The following BMP5 variants were observed in gnomAD, a reference collection of about 807,000 sequenced individuals.
BMP5 encodes bone morphogenetic protein 5.
In BMP5, 23 loss-of-function variants were observed where a neutral mutation model predicts 46.6. That is an observed-to-expected ratio of 0.49 (90% CI 0.35 to 0.70). The LOEUF is 0.70. Ranked by LOEUF, BMP5 falls within the 30% of genes least tolerant of loss-of-function variation. BMP5 has a pLI of 0.00. For missense variants in BMP5, 545 were observed against 565.6 expected, an observed-to-expected ratio of 0.96 and a Z score of 0.37; for synonymous variants, 204 against 191.9, an observed-to-expected ratio of 1.06 and a Z score of -0.52.
intron 1 of BMP5, among the ~76,000 whole-genome samples, chr6:55,841,999 A>C (rs1384195233): frequency 1.3e-5 from 2 of 152,102 alleles, no homozygotes; most frequent in Non-Finnish European, 2.9e-5. Flanking sequence ...GCTAATTCAA[A>C]TATCTGTATC....
rs62404981 is a variant in BMP5 at position 55,850,403 on chromosome 6, T to G, written c.490+23973A>C. Among the ~76,000 whole-genome samples the G allele has an allele frequency of 1.3e-4, 19 of 150,646 alleles. No homozygotes were observed. The South Asian group carries it at 1.3e-3, about 10-fold the overall frequency. On this transcript the variant is annotated intron_variant, in intron 1 of 6. Transcript: ENST00000370830. ...ATAGATAGATAGATAGATCGATAGATATAGATAGATAGATAGATTAGAGGT... is the reference window on the plus strand; with the variant it reads ...ATAGATAGATAGATAGATCGATAGAGATAGATAGATAGATAGATTAGAGGT...
chr6:55,867,668 C>A (rs1000500503), intron 1 of BMP5, among the ~76,000 whole-genome samples: 15 of 152,228 alleles, frequency 9.9e-5, no homozygotes, highest in African/African-American at 3.6e-4. Context: ...TAATACTCTG[C>A]TGCCACCATC....
rs188232227 is a variant in BMP5, at chr6:55,826,238, G to T, written c.491-6391C>A. 8.6e-5 allele frequency among the ~76,000 whole-genome samples: 13 copies of T among 151,692 alleles called. No homozygotes were observed. In the East Asian group the frequency reaches 2.5e-3, roughly 29 times the overall value. ...TATGTGACCTGAATGAAAGAAAATT[G>T]TCTCCCTGAATGTTTTGTTTCAAAG... On this transcript the variant is annotated intron_variant, in intron 1 of 6. Transcript: ENST00000370830.
At chr6:55,837,740 A>G (rs1039287206) in intron 1 of BMP5, among the ~76,000 whole-genome samples, 4 of 152,086 alleles carry the variant, frequency 2.6e-5, no homozygotes. Context: ...ACCAAAGAGT[A>G]GGTTTTATTC....
At chr6:55,843,079 A>G (rs1327929509) in intron 1 of BMP5, among the ~76,000 whole-genome samples, 2 of 152,122 alleles carry the variant, frequency 1.3e-5, no homozygotes, top group African/African-American at 4.8e-5. Context: ...TTACAGCAAA[A>G]AAAGTAAATA....
chr6:55,755,421 A>T lies in BMP5; in HGVS notation c.*112T>A. ...TGATATTGTACATAGGAAAAGAGTC[A>T]AAATGAGCCAGACTAATTTTAGGAA... On this transcript the variant is annotated 3_prime_UTR_variant, in exon 7 of 7. Transcript: ENST00000370830. The T allele has an allele frequency of 9.5e-7, 1 of 1,049,620 alleles. No individual in the cohort carries two copies. The highest frequency in any genetic ancestry group is 1.6e-5 in the African/African-American group (1 of 62,058). 65.0% of individuals were successfully genotyped at this position (1,049,620 alleles called of 1,614,324 possible).
intron 4 of BMP5, among the ~76,000 whole-genome samples, chr6:55,773,514 T>C (rs186632295): frequency 1.7e-5 from 2 of 120,078 alleles, no homozygotes; most frequent in South Asian, 2.8e-4. Context: ...TGTGTGTGTG[T>C]GTGTGTGTGT....
intron 1 of BMP5, among the ~76,000 whole-genome samples, chr6:55,828,635 T>C (rs370577008): frequency 6.6e-5 from 10 of 151,900 alleles, no homozygotes; most frequent in African/African-American, 2.2e-4. Context: ...ATGTTTATCT[T>C]GGTATATTTT....
chr6:55,828,958 A>G (rs113190924), intron 1 of BMP5, among the ~76,000 whole-genome samples: 80 of 151,982 alleles, frequency 5.3e-4, no homozygotes, highest in African/African-American at 1.9e-3. Flanking sequence ...AATGGGTTGC[A>G]TCAGTGAAGT....
rs1391407776 is a variant in BMP5 at position 55,836,923 on chromosome 6, A to G, written c.491-17076T>C. ...ATTTTAAATCAGGCAAAATATGTAG[A>G]AAAATAAAATAATTATAAGCAAACT... is the stretch of plus-strand genomic sequence containing the variant. On this transcript the variant is annotated intron_variant, in intron 1 of 6. Transcript: ENST00000370830. Among the ~76,000 whole-genome samples the G allele has an allele frequency of 2.6e-5, 4 of 152,210 alleles. No individual in the cohort carries two copies. In the East Asian group the frequency reaches 7.7e-4, roughly 29 times the overall value.
At chr6:55,814,465 T>C (rs1229591560) in intron 2 of BMP5, among the ~76,000 whole-genome samples, 3 of 152,150 alleles carry the variant, frequency 2.0e-5, no homozygotes, top group Non-Finnish European at 2.9e-5. Context: ...TTTTCATCTG[T>C]TTTTTATTTT....
At chr6:55,856,600 G>A (rs1777405022) in intron 1 of BMP5, among the ~76,000 whole-genome samples, 2 of 151,870 alleles carry the variant, frequency 1.3e-5, no homozygotes, top group Non-Finnish European at 2.9e-5. Context: ...ATGTGTAGTG[G>A]TATCTCATTT....
rs544834665 is a variant in BMP5, at chr6:55,830,309, T to C, written c.491-10462A>G. Among the ~76,000 whole-genome samples the C allele has an allele frequency of 2.6e-5, 4 of 152,166 alleles. No individual in the cohort carries two copies. The East Asian group carries it at 7.7e-4, about 29-fold the overall frequency. On this transcript the variant is annotated intron_variant, in intron 1 of 6. Coordinates refer to ENST00000370830, the MANE Select transcript of BMP5 (RefSeq NM_021073.4). The stretch of plus-strand genomic sequence containing the variant: ...TTATTGAATGAGACCACACTGTAAT[T>C]AGAGTCAAGGGATCCTTAGTGGTCT...
At chr6:55,855,075 G>C (rs919659640) in intron 1 of BMP5, among the ~76,000 whole-genome samples, 4 of 151,864 alleles carry the variant, frequency 2.6e-5, no homozygotes, top group Non-Finnish European at 5.9e-5. Context: ...AAAAGCTTTT[G>C]ATCATATTTT....
chr6:55,760,453 C>T lies in BMP5; in HGVS notation c.1104+4G>A. On this transcript the variant is annotated splice_donor_region_variant and intron_variant, in intron 5 of 6. Coordinates refer to ENST00000370830, the MANE Select transcript of BMP5 (RefSeq NM_021073.4). ...AAGCACCAAAGTTGACTGAAAATTC[C>T]TACCTGCCATCCCAGATCCCGGAAG... 2.5e-6 allele frequency: 4 copies of T among 1,612,772 alleles called. No homozygotes were observed. The highest frequency in any genetic ancestry group is 8.5e-7 in the Non-Finnish European group (1 of 1,179,060).
intron 1 of BMP5, among the ~76,000 whole-genome samples, chr6:55,852,911 C>T (rs1777280200): frequency 6.6e-6 from 1 of 151,952 alleles, no homozygotes; most frequent in African/African-American, 2.4e-5. Context: ...GTGGGTGGAT[C>T]ACGAGGTCAG....
At chr6:55,839,599 G>T (rs1776902208) in intron 1 of BMP5, among the ~76,000 whole-genome samples, 1 of 152,170 alleles carries the variant, frequency 6.6e-6, no homozygotes, top group Non-Finnish European at 1.5e-5. Flanking sequence ...ATAGGCATGA[G>T]CCACCATGCT....
In BMP5 at chr6:55,774,041, A is replaced by C. The variant is rs1412102551; in HGVS notation, c.1027+8T>G. 4 of 1,612,066 alleles carry C rather than the reference A, an allele frequency of 2.5e-6. No individual in the cohort carries two copies. The highest frequency in any genetic ancestry group is 3.4e-6 in the Non-Finnish European group (4 of 1,179,066). ...CTGTGCATAACTGCTGCTCGGGTTT[A>C]TTCTTACCTCCAACACTGGACATTC... is the stretch of plus-strand genomic sequence containing the variant. On this transcript the variant is annotated splice_region_variant and intron_variant, in intron 4 of 6. Transcript: ENST00000370830.
Position 55,853,136 on chromosome 6 carries a change from CATAAATAAAA to C in BMP5, c.490+21230_490+21239del, listed in dbSNP as rs1777287409. 2.9e-5 allele frequency among the ~76,000 whole-genome samples: 3 copies of C among 104,268 alleles called. No homozygotes were observed. In the South Asian group the frequency reaches 9.0e-4, roughly 31 times the overall value. The allele number at this position is 104,268 out of a possible 152,430, so 68.4% of individuals were successfully genotyped here. A position where few individuals can be genotyped will look rare whatever the true frequency, so the allele number is the denominator to read the frequency against. ...ACAGAGGAAGACTACATCTCAAATA[CATAAATAAAA>C]TAAAATAAAATAAAATAAAATAAAA... is the stretch of plus-strand genomic sequence containing the variant. On this transcript the variant is annotated intron_variant, in intron 1 of 6. Coordinates refer to ENST00000370830, the MANE Select transcript of BMP5 (RefSeq NM_021073.4).
Sources: gnomAD v4.1 joint callset for allele counts (sites outside exome capture counted in the v4.1 genomes callset) on GRCh38, gnomAD v4.1.1 for gene constraint, MANE v1.5 for transcripts, NCBI Gene and HGNC (gene_info 2026-07-23, HGNC 2026-07-21) for gene names.